CLCN3: variants seen among roughly 807,000 people sequenced by gnomAD.
CLCN3 encodes Cl-/H+ antiporter 3, also known as H(+)/Cl(-) exchange transporter 3.
Under a neutral mutation model 83.4 loss-of-function variants are expected in CLCN3, and 16 were observed. The ratio of observed to expected loss-of-function variants is 0.19; its 90% CI spans 0.13 to 0.29. CLCN3 has a LOEUF of 0.29. Ranked by LOEUF, CLCN3 falls within the 10% of genes least tolerant of loss-of-function variation. The pLI is 1.00. For synonymous variants in CLCN3, 322 were observed against 346.2 expected (o/e 0.93, Z 0.78); for missense variants, 544 against 1,006.0 (o/e 0.54, Z 6.21).
chr4:169,709,114 GA>G (rs962565499), intron 11 of CLCN3, among the ~76,000 whole-genome samples: 2 of 147,706 alleles, frequency 1.4e-5, no homozygotes, highest in African/African-American at 4.9e-5. Context: ...TATATATATA[GA>G]AAACCTAGTG....
intron 9 of CLCN3, 108 bp downstream of exon 9, chr4:169,697,842 T>C: frequency 1.4e-6 from 1 of 736,328 alleles, no homozygotes; most frequent in Non-Finnish European, 2.3e-6. Flanking sequence ...AGTACTTATC[T>C]TTTGAGTTTA....
rs978892771 is a variant in CLCN3, at chr4:169,658,813, A to G, written c.161-21237A>G. Among the ~76,000 whole-genome samples, 5 of 152,256 alleles carry G rather than the reference A, an allele frequency of 3.3e-5. No individual in the cohort carries two copies. The South Asian group carries it at 1.0e-3, about 32-fold the overall frequency. On this transcript the variant is annotated intron_variant, in intron 2 of 12. Coordinates refer to ENST00000513761, the MANE Select transcript of CLCN3 (RefSeq NM_001829.4). ...ATTCCTGTGGCAGTAATTCTAGTCT[A>G]TATTCCTTTCCTGGAACCCTGTCTC...
In CLCN3 at chr4:169,711,786, G is replaced by T. The variant is rs570912326; in HGVS notation, c.2150-1293G>T. ...AGTAAAAAGCAGTGCAGTGTTTGCA[G>T]TAATATCTGCTTCTCAATTTAGGAC... On this transcript the variant is annotated intron_variant, in intron 11 of 12. Coordinates refer to ENST00000513761, the MANE Select transcript of CLCN3 (RefSeq NM_001829.4). Among the ~76,000 whole-genome samples the T allele has an allele frequency of 1.0e-3, 157 of 152,310 alleles. 1 individual carries two copies. The highest frequency in any genetic ancestry group is 3.7e-3 in the African/African-American group (152 of 41,570).
At chr4:169,654,693 A>G (rs746915673) in intron 2 of CLCN3, among the ~76,000 whole-genome samples, 1 of 152,146 alleles carries the variant, frequency 6.6e-6, no homozygotes, top group Non-Finnish European at 1.5e-5. Flanking sequence ...TTATAACATT[A>G]TTGCATCGCG....
intron 3 of CLCN3, among the ~76,000 whole-genome samples, chr4:169,682,275 A>G (rs1411264830): frequency 6.6e-6 from 1 of 152,212 alleles, no homozygotes. Flanking sequence ...TGATCTATTC[A>G]GAAAAGACTC....
At chr4:169,718,142 A>G (rs2150280326) in intron 12 of CLCN3, among the ~76,000 whole-genome samples, 1 of 152,312 alleles carries the variant, frequency 6.6e-6, no homozygotes, top group Admixed American at 6.5e-5. Flanking sequence ...GGAATAAGTG[A>G]ATATTATTGG....
intron 11 of CLCN3, among the ~76,000 whole-genome samples, chr4:169,710,743 A>C (rs1447013882): frequency 6.6e-6 from 1 of 152,132 alleles, no homozygotes; most frequent in Non-Finnish European, 1.5e-5. Flanking sequence ...AGTGTTTGTT[A>C]TTTTGTCGGT....
chr4:169,632,113 G>A (rs771616952), intron 1 of CLCN3, among the ~76,000 whole-genome samples: 1 of 152,136 alleles, frequency 6.6e-6, no homozygotes, highest in Non-Finnish European at 1.5e-5. Context: ...AAAAGGAAAA[G>A]TACAGGTCAA....
In CLCN3 at chr4:169,692,316, G is replaced by T; in HGVS notation, c.932G>T (p.Arg311Met). The change falls in exon 7 of 13, where the codon AGG becomes ATG. Residue 311 changes from arginine to methionine, a missense_variant. By Grantham distance (91) the Arg-to-Met change is moderately conservative. Coordinates refer to ENST00000513761, the MANE Select transcript of CLCN3 (RefSeq NM_001829.4). ...TATAGCACAAACGAAGCTAAAAAAA[G>T]GGAGGTAAGTGTCTTTTGTAGTTAA... ...PKYSTNEAKK[R>M]EVLSAASAAG... The T allele has an allele frequency of 6.3e-7, 1 of 1,585,510 alleles. No homozygotes were observed. The highest frequency in any genetic ancestry group is 1.1e-5 in the South Asian group (1 of 89,362).
At chr4:169,636,195 A>G (rs997040228) in intron 2 of CLCN3, 107 bp downstream of exon 2, 37 of 988,444 alleles carry the variant, frequency 3.7e-5, no homozygotes, top group Middle Eastern at 2.2e-4. Context: ...AAAATTTGAG[A>G]TCAAATTTAC....
intron 3 of CLCN3, among the ~76,000 whole-genome samples, chr4:169,683,626 A>G (rs1158323780): frequency 6.6e-6 from 1 of 152,142 alleles, no homozygotes; most frequent in East Asian, 1.9e-4. Flanking sequence ...TTTATCAATC[A>G]TCTCTTCCTA....
chr4:169,623,072 T>C (rs2150194002), intron 1 of CLCN3, among the ~76,000 whole-genome samples: 1 of 147,482 alleles, frequency 6.8e-6, no homozygotes, highest in East Asian at 1.9e-4. Flanking sequence ...CTCACTTTCA[T>C]TGTTGAAATC....
At chr4:169,644,420 G>A (rs186833555) in intron 2 of CLCN3, among the ~76,000 whole-genome samples, 16 of 152,072 alleles carry the variant, frequency 1.1e-4, no homozygotes, top group Non-Finnish European at 1.8e-4. Context: ...ACCACGCCTG[G>A]CTAATTTTTG....
intron 10 of CLCN3, among the ~76,000 whole-genome samples, chr4:169,706,305 C>T (rs913911908): frequency 6.6e-5 from 10 of 152,124 alleles, no homozygotes; most frequent in African/African-American, 2.4e-4. Context: ...AAAGTGATTA[C>T]AGGCATGAGC....
At chr4:169,705,189 AT>A (rs1472442194) in intron 10 of CLCN3, among the ~76,000 whole-genome samples, 5 of 152,222 alleles carry the variant, frequency 3.3e-5, no homozygotes, top group Non-Finnish European at 7.3e-5. Flanking sequence ...GATTAGCAGA[AT>A]TTAAGGAAAA....
rs974819742 is a variant in CLCN3 at position 169,645,538 on chromosome 4, A to G, written c.160+9450A>G. On this transcript the variant is annotated intron_variant, in intron 2 of 12. Transcript: ENST00000513761. ...CCAGGTCATTCCGAGGTATATTTGT[A>G]TATAGGATAGAACATATTAATAGTT... Among the ~76,000 whole-genome samples, 8 of 152,240 alleles carry G rather than the reference A, an allele frequency of 5.3e-5. No homozygotes were observed. In the South Asian group the frequency reaches 1.0e-3, roughly 20 times the overall value.
intron 2 of CLCN3, among the ~76,000 whole-genome samples, chr4:169,637,049 A>G (rs987733455): frequency 6.6e-6 from 1 of 152,132 alleles, no homozygotes; most frequent in African/African-American, 2.4e-5. Context: ...AGTTTTTAAA[A>G]AATTGGCTAT....
chr4:169,632,296 C>A (rs1773392470), intron 1 of CLCN3, among the ~76,000 whole-genome samples: 1 of 152,038 alleles, frequency 6.6e-6, no homozygotes, highest in Non-Finnish European at 1.5e-5. Context: ...TAGAGTACTT[C>A]AGGAAGTACA....
At chr4:169,719,851 C>A in intron 12 of CLCN3, 56 bp from the exon 13 acceptor site, 2 of 1,400,078 alleles carry the variant, frequency 1.4e-6, no homozygotes, top group South Asian at 1.3e-5. Flanking sequence ...ATAGATTTAG[C>A]TTCTCCTTTT....
Sources: gnomAD v4.1 joint callset for allele counts (sites outside exome capture counted in the v4.1 genomes callset) on GRCh38, gnomAD v4.1.1 for gene constraint, MANE v1.5 for transcripts, NCBI Gene and HGNC (gene_info 2026-07-23, HGNC 2026-07-21) for gene names.